The following TENM2 variants were observed in gnomAD, a reference collection of about 807,000 sequenced individuals.
TENM2 encodes the protein teneurin transmembrane protein 2, also known as teneurin-2.
A neutral mutation model predicts 245.2 loss-of-function variants in TENM2; 52 were observed. That is an observed-to-expected ratio of 0.21 (90% CI 0.17 to 0.27). The LOEUF (loss-of-function observed/expected upper bound fraction) is 0.27. Among genes scored for constraint, TENM2 ranks in the 10% least tolerant of loss-of-function variants. The probability of loss-of-function intolerance (pLI) is 1.00; values close to 1 mark genes in which losing one functional copy is unlikely to be tolerated. For synonymous variants in TENM2, 1,363 were observed against 1,438.9 expected (o/e 0.95, Z 1.19); for missense variants, 3,046 against 3,666.8 (o/e 0.83, Z 4.37).
the TENM2 span, among the ~76,000 whole-genome samples, chr5:167,193,169 G>C: frequency 6.6e-6 from 1 of 152,034 alleles, no homozygotes; most frequent in African/African-American, 2.4e-5. Flanking sequence ...TGTCATTTTA[G>C]TGTCAGTTCC....
chr5:167,507,297 G>A (rs1769620968), intron 2 of TENM2, among the ~76,000 whole-genome samples: 1 of 152,018 alleles, frequency 6.6e-6, no homozygotes, highest in South Asian at 2.1e-4. Context: ...ATTAGCCGTG[G>A]GTTAGAAAAT....
Position 168,004,515 on chromosome 5 carries a change from G to A in TENM2, c.1186+11333G>A, listed in dbSNP as rs1320036298. Among the ~76,000 whole-genome samples, 27 of 73,702 alleles carry A rather than the reference G, an allele frequency of 3.7e-4. No homozygotes were observed. In the South Asian group the frequency reaches 9.1e-3, roughly 25 times the overall value. The allele number at this position is 73,702 out of a possible 152,430, so 48.4% of individuals were successfully genotyped here. On this transcript the variant is annotated intron_variant, in intron 5 of 28. Transcript: ENST00000518659. ...ATTTGGGATGCACGCATGCGCGCGC[G>A]CGCACACACACACACACACACACAC...
intron 2 of TENM2, among the ~76,000 whole-genome samples, chr5:167,503,517 CT>C (rs35774602): frequency 1.0e-3 from 148 of 146,426 alleles, no homozygotes; most frequent in Admixed American, 1.2e-3. Flanking sequence ...TAATGTCTTC[CT>C]TTTTTTTTTT....
At chr5:168,248,197 A>T in exon 27 of TENM2, 1 of 1,614,006 alleles carries the variant, frequency 6.2e-7, no homozygotes, top group Non-Finnish European at 8.5e-7. Flanking sequence ...TGACCCCCTG[A>T]CCAAGCTGGT....
At chr5:167,976,095 C>T (rs1304767448) in intron 4 of TENM2, among the ~76,000 whole-genome samples, 2 of 152,122 alleles carry the variant, frequency 1.3e-5, no homozygotes, top group African/African-American at 2.4e-5. Context: ...TAGTCTGTCC[C>T]CTTTAATTTT....
Position 168,226,072 on chromosome 5 carries a change from A to G in TENM2, c.5109-16A>G. On this transcript the variant is annotated splice_polypyrimidine_tract_variant and intron_variant, in intron 23 of 28. Transcript: ENST00000518659. The stretch of plus-strand genomic sequence containing the variant: ...GCTGCTAACCAGGGTTTATCTATCT[A>G]TCTATCTCCCCCCAGCTATGACCAC... 1 of 1,609,436 alleles carries G rather than the reference A, an allele frequency of 6.2e-7. No individual in the cohort carries two copies. Among genetic ancestry groups the G allele is most frequent in the Non-Finnish European group, 8.5e-7 (1 of 1,178,310 alleles).
At chr5:168,104,019 TG>T (rs1794041541) in intron 9 of TENM2, among the ~76,000 whole-genome samples, 2 of 151,906 alleles carry the variant, frequency 1.3e-5, no homozygotes, top group Admixed American at 1.3e-4. Context: ...TTTGTTTGTT[TG>T]TTTGTTTGTT....
chr5:167,640,183 A>G (rs972257251), intron 2 of TENM2, among the ~76,000 whole-genome samples: 1 of 152,124 alleles, frequency 6.6e-6, no homozygotes, highest in Non-Finnish European at 1.5e-5. Flanking sequence ...ACCAACTTCA[A>G]TTCTTTCTAG....
At chr5:168,171,411 T>A (rs1758813158) in intron 13 of TENM2, among the ~76,000 whole-genome samples, 1 of 152,230 alleles carries the variant, frequency 6.6e-6, no homozygotes, top group Admixed American at 6.5e-5. Context: ...TGGCTCCTTT[T>A]TTCTAAAACA....
At chr5:167,196,496 A>ATG in the TENM2 span, among the ~76,000 whole-genome samples, 77 of 131,364 alleles carry the variant, frequency 5.9e-4, 1 homozygote, top group African/African-American at 2.9e-3. Context: ...GTATATATAT[A>ATG]TGTGTATATA....
chr5:166,996,635 T>G, the TENM2 span, among the ~76,000 whole-genome samples: 8 of 152,232 alleles, frequency 5.3e-5, no homozygotes, highest in African/African-American at 1.9e-4. Flanking sequence ...ATACAAAGCC[T>G]GTGCTCATTT....
At chr5:167,461,707 C>G (rs933289580) in intron 2 of TENM2, among the ~76,000 whole-genome samples, 4 of 152,048 alleles carry the variant, frequency 2.6e-5, no homozygotes, top group Non-Finnish European at 4.4e-5. Flanking sequence ...AATCAGCAAC[C>G]AAGGCTCTAT....
chr5:167,533,431 C>CTTTG (rs576094744), intron 2 of TENM2, among the ~76,000 whole-genome samples: 45 of 151,928 alleles, frequency 3.0e-4, no homozygotes, highest in African/African-American at 8.2e-4. Flanking sequence ...GGTTGTTTTT[C>CTTTG]TTTGTTTGTT....
intron 3 of TENM2, among the ~76,000 whole-genome samples, chr5:167,908,698 C>CCT (rs892954378): frequency 6.8e-6 from 1 of 146,706 alleles, no homozygotes. Flanking sequence ...TCTCTGTTTC[C>CCT]CTCTCTCTCT....
At chr5:167,667,501 G>A (rs1194732024) in intron 2 of TENM2, among the ~76,000 whole-genome samples, 3 of 152,136 alleles carry the variant, frequency 2.0e-5, no homozygotes, top group African/African-American at 7.2e-5. Flanking sequence ...CCAAGTGCAT[G>A]GAATTATTAG....
At chr5:167,222,776 T>G in the TENM2 span, among the ~76,000 whole-genome samples, 1 of 152,186 alleles carries the variant, frequency 6.6e-6, no homozygotes, top group Non-Finnish European at 1.5e-5. Flanking sequence ...TCACTCAGCT[T>G]CAATTTCCTA....
At chr5:167,910,949 T>C (rs1583342294) in intron 3 of TENM2, among the ~76,000 whole-genome samples, 1 of 152,348 alleles carries the variant, frequency 6.6e-6, no homozygotes, top group South Asian at 2.1e-4. Flanking sequence ...TATGAATACA[T>C]ATTTTTTGGT....
intron 2 of TENM2, among the ~76,000 whole-genome samples, chr5:167,764,967 C>T (rs1054910741): frequency 6.6e-6 from 1 of 152,148 alleles, no homozygotes; most frequent in Admixed American, 6.5e-5. Context: ...CCTTTTAGCC[C>T]TTAGCAAGCT....
the TENM2 span, among the ~76,000 whole-genome samples, chr5:167,197,794 C>T: frequency 6.6e-6 from 1 of 151,804 alleles, no homozygotes; most frequent in Non-Finnish European, 1.5e-5. Context: ...GTAAAATGTA[C>T]TTTTGCTAAA....
Sources: gnomAD v4.1 joint callset for allele counts (sites outside exome capture counted in the v4.1 genomes callset) on GRCh38, gnomAD v4.1.1 for gene constraint, MANE v1.5 for transcripts, NCBI Gene and HGNC (gene_info 2026-07-23, HGNC 2026-07-21) for gene names.